LGSN: variants seen among roughly 807,000 people sequenced by gnomAD.
The protein encoded by LGSN is lengsin.
Under a neutral mutation model 19.5 loss-of-function variants are expected in LGSN, and 21 were observed. The ratio of observed to expected loss-of-function variants is 1.07; its 90% CI spans 0.76 to 1.55. LGSN has a LOEUF of 1.55. Among genes scored for constraint, LGSN ranks in the 40% most tolerant of loss-of-function variants. The pLI is 0.00. For synonymous variants in LGSN, 257 were observed against 215.6 expected (o/e 1.19, Z -1.68); for missense variants, 673 against 608.5 (o/e 1.11, Z -1.12).
At chr6:63,449,902 C>T in the LGSN span, among the ~76,000 whole-genome samples, 1 of 152,066 alleles carries the variant, frequency 6.6e-6, no homozygotes, top group African/African-American at 2.4e-5. Flanking sequence ...ATAACATAAA[C>T]ACAATTATTT....
the LGSN span, among the ~76,000 whole-genome samples, chr6:63,428,209 C>T: frequency 6.6e-6 from 1 of 152,158 alleles, no homozygotes; most frequent in Non-Finnish European, 1.5e-5. Context: ...AACCTACCTT[C>T]TTCCCTACTA....
chr6:63,415,689 T>C, the LGSN span, among the ~76,000 whole-genome samples: 1 of 152,228 alleles, frequency 6.6e-6, no homozygotes, highest in African/African-American at 2.4e-5. Flanking sequence ...AGCCTAACCA[T>C]ATCAACCCTC....
chr6:63,318,497 T>C (rs189132204), intron 1 of LGSN, among the ~76,000 whole-genome samples: 17 of 152,168 alleles, frequency 1.1e-4, no homozygotes, highest in African/African-American at 3.9e-4. Context: ...TTCAGTGGAG[T>C]TGGGTCAAGT....
At chr6:63,419,963 T>C in the LGSN span, among the ~76,000 whole-genome samples, 1 of 123,314 alleles carries the variant, frequency 8.1e-6, no homozygotes, top group African/African-American at 3.0e-5. Flanking sequence ...CCCAGCACTT[T>C]GGGAGGCTGA....
the LGSN span, among the ~76,000 whole-genome samples, chr6:63,373,658 A>C: frequency 3.9e-4 from 60 of 152,220 alleles, no homozygotes; most frequent in East Asian, 0.011. Flanking sequence ...CCTGACGAGA[A>C]TTATTTCTTT....
chr6:63,363,149 A>C, the LGSN span, among the ~76,000 whole-genome samples: 1 of 151,766 alleles, frequency 6.6e-6, no homozygotes, highest in Non-Finnish European at 1.5e-5. Context: ...TGTTAGAAGG[A>C]AAACTAACAA....
chr6:63,282,627 T>C (rs952040233), intron 3 of LGSN, among the ~76,000 whole-genome samples: 1 of 152,266 alleles, frequency 6.6e-6, no homozygotes, highest in Admixed American at 6.5e-5. Flanking sequence ...CATTTGCCCA[T>C]GAACCACTGC....
chr6:63,564,786 A>G, the LGSN span, among the ~76,000 whole-genome samples: 2 of 152,192 alleles, frequency 1.3e-5, no homozygotes, highest in South Asian at 2.1e-4. Flanking sequence ...TCAATTCCCA[A>G]ATGATTTTTA....
At chr6:63,412,849 GAA>G in the LGSN span, among the ~76,000 whole-genome samples, 6 of 146,770 alleles carry the variant, frequency 4.1e-5, no homozygotes, top group African/African-American at 1.5e-4. Flanking sequence ...AGAAAGGAAG[GAA>G]GGGAGAGAGA....
the LGSN span, among the ~76,000 whole-genome samples, chr6:63,522,046 A>T: frequency 6.6e-6 from 1 of 152,184 alleles, no homozygotes. Context: ...GCTTTTTCCC[A>T]CAGGCTTTGC....
At chr6:63,545,531 A>G in the LGSN span, among the ~76,000 whole-genome samples, 24 of 152,130 alleles carry the variant, frequency 1.6e-4, no homozygotes, top group Admixed American at 5.2e-4. Flanking sequence ...GAATTGCTTG[A>G]ACCTGGGAGG....
chr6:63,337,963 G>A, the LGSN span, among the ~76,000 whole-genome samples: 33 of 152,074 alleles, frequency 2.2e-4, no homozygotes, highest in African/African-American at 8.0e-4. Flanking sequence ...TTGGCTCACT[G>A]CAACCTCCAC....
the LGSN span, among the ~76,000 whole-genome samples, chr6:63,512,343 A>G: frequency 6.6e-6 from 1 of 152,106 alleles, no homozygotes; most frequent in African/African-American, 2.4e-5. Flanking sequence ...TCGGCCTCCC[A>G]AAGTGCTGGG....
At chr6:63,324,114 G>A (rs1769169678), upstream of LGSN, among the ~76,000 whole-genome samples, 1 of 152,016 alleles carries the variant, frequency 6.6e-6, no homozygotes, top group African/African-American at 2.4e-5. Context: ...GCAACCTCTG[G>A]AAAACTTCAC....
chr6:63,552,908 T>C, the LGSN span, among the ~76,000 whole-genome samples: 10 of 152,234 alleles, frequency 6.6e-5, no homozygotes, highest in Non-Finnish European at 1.2e-4. Flanking sequence ...AGTACCGTGC[T>C]GTTTTGGTAC....
upstream of LGSN, among the ~76,000 whole-genome samples, chr6:63,320,159 G>A (rs1046569643): frequency 2.6e-5 from 4 of 152,140 alleles, no homozygotes; most frequent in Admixed American, 6.5e-5. Context: ...AGAATCGAAT[G>A]ACAAATGCTT....
the LGSN span, among the ~76,000 whole-genome samples, chr6:63,412,512 A>G: frequency 1.6e-5 from 2 of 122,554 alleles, no homozygotes; most frequent in African/African-American, 7.1e-5. Flanking sequence ...GAAAGAAAGA[A>G]AGAAAGAAAG....
intron 1 of LGSN, among the ~76,000 whole-genome samples, chr6:63,317,877 T>C (rs960386193): frequency 6.6e-6 from 1 of 152,206 alleles, no homozygotes; most frequent in East Asian, 1.9e-4. Flanking sequence ...TATTGAGTTA[T>C]AAATATCTGC....
chr6:63,562,200 T>C, the LGSN span, among the ~76,000 whole-genome samples: 1 of 147,268 alleles, frequency 6.8e-6, no homozygotes, highest in Non-Finnish European at 1.5e-5. Flanking sequence ...ATTTTCTTTT[T>C]CTTTTTTTTT....
Sources: gnomAD v4.1 joint callset for allele counts (sites outside exome capture counted in the v4.1 genomes callset) on GRCh38, gnomAD v4.1.1 for gene constraint, MANE v1.5 for transcripts, NCBI Gene and HGNC (gene_info 2026-07-23, HGNC 2026-07-21) for gene names.